CEACAM4: variants seen among roughly 807,000 people sequenced by gnomAD.
CEACAM4 encodes cell adhesion molecule CEACAM4.
CEACAM4 carries 30 observed loss-of-function variants against 28.7 expected under a neutral mutation model. The ratio of observed to expected loss-of-function variants is 1.05; its 90% CI spans 0.78 to 1.42. CEACAM4 has a LOEUF of 1.42. Among genes scored for constraint, CEACAM4 ranks in the 40% most tolerant of loss-of-function variants. The pLI is 0.00. For missense variants in CEACAM4, 330 were observed against 308.2 expected (o/e 1.07, Z -0.53); for synonymous variants, 143 against 126.5 (o/e 1.13, Z -0.87).
rs2071605735 is a variant in CEACAM4 at position 41,625,780 on chromosome 19, T to C, written c.245A>G (p.Tyr82Cys). The C allele has an allele frequency of 6.2e-7, 1 of 1,613,884 alleles. No individual in the cohort carries two copies. Among genetic ancestry groups the C allele is most frequent in the Admixed American group, 1.7e-5 (1 of 59,998 alleles). The change falls in exon 2 of 7, where the codon TAT (tyrosine) becomes TGT (cysteine). Residue 82 changes from tyrosine (Y) to cysteine (C), a missense_variant. Transcript: ENST00000221954. ...TAEGSPLIAGYITDIQANIPG... is the reference protein window; with the variant it reads ...TAEGSPLIAGCITDIQANIPG... ...GATATTTGCTTGAATGTCTGTTATA[T>C]AACCAGCAATGAGAGGGCTCCCTTC...
At chr19:41,626,793 GC>G in intron 1 of CEACAM4, 106 bp downstream of exon 1, 1 of 892,896 alleles carries the variant, frequency 1.1e-6, no homozygotes. Context: ...CCCTCTCAGA[GC>G]CCCAGGAGAC....
In CEACAM4 at chr19:41,626,213, C is replaced by T. The variant is rs1197947498; in HGVS notation, c.65-253G>A. 5.3e-5 allele frequency among the ~76,000 whole-genome samples: 8 copies of T among 151,884 alleles called. No individual in the cohort carries two copies. In the South Asian group the frequency reaches 8.3e-4, roughly 16 times the overall value. On this transcript the variant is annotated intron_variant, in intron 1 of 6. Transcript: ENST00000221954. ...GAATCTTCTTCCCCAGGGGTCTGCA[C>T]GGCTCCCTCCCCACTGCCCTCAGAT...
chr19:41,620,291 C>T, intron 4 of CEACAM4, 49 bp from the exon 5 acceptor site: 3 of 1,411,816 alleles, frequency 2.1e-6, no homozygotes, highest in African/African-American at 1.5e-5. Flanking sequence ...AGAGCCTGGG[C>T]CCCTCCTGCA....
chr19:41,615,635 T>G (rs556704538), downstream of CEACAM4, among the ~76,000 whole-genome samples: 56 of 152,202 alleles, frequency 3.7e-4, no homozygotes, highest in South Asian at 1.0e-3. Flanking sequence ...CAATCCTACC[T>G]GTCAGGAGCC....
chr19:41,619,856 C>A, intron 5 of CEACAM4, 145 bp from the exon 6 acceptor site: 1 of 725,422 alleles, frequency 1.4e-6, no homozygotes, highest in Non-Finnish European at 2.2e-6. Context: ...ACCAGCTCTG[C>A]CCCTGAGCTC....
intron 3 of CEACAM4, among the ~76,000 whole-genome samples, chr19:41,621,282 G>T (rs1555801330): frequency 1.3e-5 from 2 of 152,114 alleles, no homozygotes; most frequent in African/African-American, 4.8e-5. Flanking sequence ...CCCCCACCAT[G>T]GATCTCAAGC....
rs1165324136 is a variant in CEACAM4, at chr19:41,621,674, A to G, written c.519T>C (p.Phe173=). 3.1e-6 allele frequency: 5 copies of G among 1,607,954 alleles called. No individual in the cohort carries two copies. Among genetic ancestry groups the G allele is most frequent in the Non-Finnish European group, 4.3e-6 (5 of 1,174,592 alleles). ...ACCTTCCAGTCCTGGAGAGAAGCAG[A>G]AAACACACCAGGGCGGCCACCAGAG... is the stretch of plus-strand genomic sequence containing the variant. ...GVALVAALVC[F]LLLSRTGRAS... The change falls in exon 3 of 7, where the codon TTT becomes TTC. Residue 173 remains phenylalanine, a synonymous_variant. Coordinates refer to ENST00000221954, the MANE Select transcript of CEACAM4 (RefSeq NM_001817.4).
intron 3 of CEACAM4, among the ~76,000 whole-genome samples, chr19:41,621,148 A>G (rs1383509739): frequency 6.6e-6 from 1 of 152,080 alleles, no homozygotes; most frequent in Non-Finnish European, 1.5e-5. Flanking sequence ...GACATAAAGG[A>G]CAGCAGGTCC....
At chr19:41,624,070 GA>G (rs2071484593) in intron 2 of CEACAM4, among the ~76,000 whole-genome samples, 1 of 152,116 alleles carries the variant, frequency 6.6e-6, no homozygotes, top group African/African-American at 2.4e-5. Flanking sequence ...GGTGTGGCCA[GA>G]ACCTCCTAGG....
At chr19:41,617,966 G>A (rs577763273), downstream of CEACAM4, among the ~76,000 whole-genome samples, 17 of 111,140 alleles carry the variant, frequency 1.5e-4, no homozygotes, top group African/African-American at 4.1e-4. Flanking sequence ...AACCCATTGC[G>A]GGTTGTTTTC....
At chr19:41,623,174 G>A (rs1350436349) in intron 2 of CEACAM4, among the ~76,000 whole-genome samples, 2 of 152,016 alleles carry the variant, frequency 1.3e-5, no homozygotes, top group African/African-American at 4.8e-5. Flanking sequence ...CCACCACCAT[G>A]CCTGCCTAAT....
chr19:41,624,138 C>A (rs2071488456), intron 2 of CEACAM4, among the ~76,000 whole-genome samples: 1 of 152,104 alleles, frequency 6.6e-6, no homozygotes, highest in African/African-American at 2.4e-5. Flanking sequence ...TACATTCAAT[C>A]CCTCCCTCCT....
At chr19:41,613,505 AC>A in the CEACAM4 span, among the ~76,000 whole-genome samples, 69 of 152,030 alleles carry the variant, frequency 4.5e-4, no homozygotes, top group Non-Finnish European at 9.0e-4. Context: ...GGACACACAC[AC>A]ACACACACAC....
chr19:41,616,487 TGATAGATAGATAGATAGATAGATA>T (rs35437530), downstream of CEACAM4, among the ~76,000 whole-genome samples: 2,409 of 146,558 alleles, frequency 0.016, 26 homozygotes, highest in South Asian at 0.032. Flanking sequence ...TATAGATAGA[TGATAGATAGATAGATAGATAGATA>T]GATAGATAGA....
chr19:41,621,688 C>A lies in CEACAM4; in HGVS notation c.505G>T (p.Ala169Ser), dbSNP rs557074639. 23 of 1,609,804 alleles carry A rather than the reference C, an allele frequency of 1.4e-5. No homozygotes were observed. The highest frequency in any genetic ancestry group is 2.0e-5 in the Non-Finnish European group (23 of 1,176,182). The change falls in exon 3 of 7, where the codon GCC becomes TCC. Residue 169 changes from alanine to serine, a missense_variant. Physicochemically the swap from Ala to Ser is moderately conservative, Grantham distance 99. Transcript: ENST00000221954. ...GAGAGAAGCAGAAAACACACCAGGG[C>A]GGCCACCAGAGCCACCCCAACCAGG... ...GVLVGVALVA[A>S]LVCFLLLSRT...
intron 5 of CEACAM4, 55 bp from the exon 6 acceptor site, chr19:41,619,766 C>T: frequency 8.3e-6 from 12 of 1,437,914 alleles, no homozygotes; most frequent in Non-Finnish European, 1.1e-5. Context: ...TCACGGAAGC[C>T]CAGCCTGGAA....
chr19:41,614,906 G>GAAGAC (rs201393182), downstream of CEACAM4, among the ~76,000 whole-genome samples: 1,210 of 133,864 alleles, frequency 9.0e-3, 28 homozygotes, highest in Admixed American at 0.058. Flanking sequence ...GAAGGGAAGG[G>GAAGAC]AAGACAAGGG....
At position 41,619,035 on chromosome 19, in the gene CEACAM4, A is replaced by G. The variant is rs2071083463; in HGVS notation, c.*295T>C. The G allele has an allele frequency of 4.4e-6, 2 of 454,468 alleles. No homozygotes were observed. The highest frequency in any genetic ancestry group is 7.8e-6 in the Non-Finnish European group (2 of 257,962). The allele number at this position is 454,468 out of a possible 1,614,324, so 28.2% of individuals were successfully genotyped here. ...GCCAATGAGAGGAAGGGTCCTCTTT[A>G]TTCAGATCCTTTCCTGGTGACCCCG... On this transcript the variant is annotated 3_prime_UTR_variant, in exon 7 of 7. Coordinates refer to ENST00000221954, the MANE Select transcript of CEACAM4 (RefSeq NM_001817.4).
chr19:41,626,109 TGTGTGTG>T, intron 1 of CEACAM4, 149 bp from the exon 2 acceptor site: 1 of 560,090 alleles, frequency 1.8e-6, no homozygotes, highest in Non-Finnish European at 3.0e-6. Context: ...TGTGTGTGTG[TGTGTGTG>T]TGTGTGTGTC....
Sources: allele counts gnomAD v4.1 joint callset (sites outside exome capture counted in the v4.1 genomes callset), GRCh38; gene constraint gnomAD v4.1.1; transcripts MANE v1.5; gene names NCBI Gene and HGNC (gene_info 2026-07-23, HGNC 2026-07-21).